The following SPECC1 variants were observed in gnomAD, a reference collection of about 807,000 sequenced individuals.
The protein encoded by SPECC1 is cytospin-B.
A neutral mutation model predicts 104.1 loss-of-function variants in SPECC1; 62 were observed. That is an observed-to-expected ratio of 0.60 (90% confidence interval 0.49 to 0.74). SPECC1 has a LOEUF of 0.74. Among genes scored for constraint, SPECC1 ranks in the 30% least tolerant of loss-of-function variants. SPECC1 has a pLI of 0.00. For synonymous variants in SPECC1, 513 were observed against 501.6 expected (o/e 1.02, Z -0.30); for missense variants, 1,306 against 1,310.5 (o/e 1.00, Z 0.05).
At chr17:20,220,330 G>C (rs2037794595) in intron 4 of SPECC1, among the ~76,000 whole-genome samples, 1 of 152,048 alleles carries the variant, frequency 6.6e-6, no homozygotes, top group African/African-American at 2.4e-5. Context: ...TTTTGTGTGT[G>C]TGTTTTCTTC....
At chr17:20,019,269 A>T (rs1045223196) in intron 1 of SPECC1, among the ~76,000 whole-genome samples, 6 of 150,370 alleles carry the variant, frequency 4.0e-5, no homozygotes, top group Non-Finnish European at 5.9e-5. Flanking sequence ...TATTTATTTT[A>T]AAAAGCAGTC....
At position 20,287,756 on chromosome 17, in the gene SPECC1, T is replaced by G. The variant is rs554999874; in HGVS notation, c.2941-9205T>G. Reference sequence around the variant, plus strand: ...GGCCTAAGTACACATAGCTTTTTTTTTTTGTTTTATTTCTGAGAAATTTAA... The same window carrying G: ...GGCCTAAGTACACATAGCTTTTTTTGTTTGTTTTATTTCTGAGAAATTTAA... On this transcript the variant is annotated intron_variant, in intron 12 of 14. Coordinates refer to ENST00000395527, the MANE Select transcript of SPECC1 (RefSeq NM_001243439.2). Among the ~76,000 whole-genome samples the G allele has an allele frequency of 2.5e-3, 377 of 152,054 alleles. 2 individuals carry two copies. Among genetic ancestry groups the G allele is most frequent in the African/African-American group, 7.3e-3 (303 of 41,428 alleles).
chr17:20,223,394 G>A (rs984856618), intron 4 of SPECC1, among the ~76,000 whole-genome samples: 15 of 151,768 alleles, frequency 9.9e-5, no homozygotes, highest in African/African-American at 3.6e-4. Context: ...TTTCAATCTC[G>A]GCCGGGTGCG....
intron 1 of SPECC1, among the ~76,000 whole-genome samples, chr17:20,015,982 C>T (rs1346446513): frequency 6.7e-6 from 1 of 149,668 alleles, no homozygotes; most frequent in African/African-American, 2.4e-5. Context: ...GAGGCCGAGG[C>T]GGATGGATCA....
intron 1 of SPECC1, among the ~76,000 whole-genome samples, chr17:20,047,840 C>G (rs183542865): frequency 6.6e-6 from 1 of 151,884 alleles, no homozygotes; most frequent in Non-Finnish European, 1.5e-5. Context: ...CCTGTGGTCC[C>G]CCCGCCTCAG....
chr17:20,012,923 C>A (rs1181351506), intron 1 of SPECC1, among the ~76,000 whole-genome samples: 2 of 152,120 alleles, frequency 1.3e-5, no homozygotes, highest in Admixed American at 6.5e-5. Flanking sequence ...AGGTACCTTG[C>A]ATGAGTATCT....
At chr17:20,038,950 A>C (rs1383279294) in intron 1 of SPECC1, among the ~76,000 whole-genome samples, 1 of 152,204 alleles carries the variant, frequency 6.6e-6, no homozygotes, top group Non-Finnish European at 1.5e-5. Context: ...CGTTAGATAT[A>C]ATCCACATAC....
At chr17:20,165,976 T>G (rs142731080) in intron 3 of SPECC1, among the ~76,000 whole-genome samples, 3 of 152,318 alleles carry the variant, frequency 2.0e-5, no homozygotes, top group Admixed American at 2.0e-4. Flanking sequence ...AAAAATGTTC[T>G]CCCATTCTGT....
chr17:20,153,904 G>A (rs771261572), intron 3 of SPECC1, among the ~76,000 whole-genome samples: 2 of 152,186 alleles, frequency 1.3e-5, no homozygotes, highest in Non-Finnish European at 2.9e-5. Flanking sequence ...TGCACTTGGT[G>A]TCATATGCAT....
chr17:20,042,008 G>T (rs778405049), intron 1 of SPECC1, among the ~76,000 whole-genome samples: 17 of 152,100 alleles, frequency 1.1e-4, no homozygotes, highest in Non-Finnish European at 1.9e-4. Context: ...TCTGTCAATT[G>T]TCTTTTCTCT....
At chr17:20,137,131 T>TTTGGCC (rs2030093962) in intron 3 of SPECC1, among the ~76,000 whole-genome samples, 2 of 152,258 alleles carry the variant, frequency 1.3e-5, no homozygotes. Flanking sequence ...CCCACTCCTG[T>TTTGGCC]TTGGCCATGG....
At position 20,121,196 on chromosome 17, in the gene SPECC1, T is replaced by A. The variant is rs1408537168; in HGVS notation, c.283+10634T>A. On this transcript the variant is annotated intron_variant, in intron 3 of 14. Transcript: ENST00000395527. ...ACAATAGCCATAGGAAGAGCATGGTTATTTTATCTAGACCAGGAACCTTGG... is the reference window on the plus strand; with the variant it reads ...ACAATAGCCATAGGAAGAGCATGGTAATTTTATCTAGACCAGGAACCTTGG... Among the ~76,000 whole-genome samples, 4 of 152,192 alleles carry A rather than the reference T, an allele frequency of 2.6e-5. No homozygotes were observed. In the East Asian group the frequency reaches 7.7e-4, roughly 29 times the overall value.
chr17:20,272,833 G>A (rs550041881), intron 12 of SPECC1, among the ~76,000 whole-genome samples: 32 of 152,268 alleles, frequency 2.1e-4, no homozygotes, highest in Non-Finnish European at 4.6e-4. Flanking sequence ...TTGTTTCACA[G>A]ATACAATGTT....
intron 1 of SPECC1, among the ~76,000 whole-genome samples, chr17:20,031,650 A>C (rs56142708): frequency 0.41 from 61,802 of 152,082 alleles, 13,795 homozygotes; most frequent in Non-Finnish European, 0.5. Flanking sequence ...CCCATTCAAC[A>C]ATAACTCCAC....
chr17:20,115,021 T>A (rs773859285), intron 3 of SPECC1, among the ~76,000 whole-genome samples: 21 of 152,194 alleles, frequency 1.4e-4, no homozygotes, highest in Non-Finnish European at 1.6e-4. Flanking sequence ...TAAAGGTACC[T>A]CTGTAGAAAT....
At chr17:20,199,080 CTTTTTTTTTTT>C (rs562975649) in intron 3 of SPECC1, among the ~76,000 whole-genome samples, 3 of 76,572 alleles carry the variant, frequency 3.9e-5, no homozygotes, top group East Asian at 5.6e-4. Context: ...CTTATGGTAG[CTTTTTTTTTTT>C]TTTTTTTTTT....
At chr17:20,152,156 C>A (rs2032063779) in intron 3 of SPECC1, among the ~76,000 whole-genome samples, 1 of 151,120 alleles carries the variant, frequency 6.6e-6, no homozygotes, top group Non-Finnish European at 1.5e-5. Context: ...AAAAATTAGC[C>A]AGGCATGGTA....
chr17:20,157,974 G>A (rs184576981), intron 3 of SPECC1, among the ~76,000 whole-genome samples: 31 of 152,160 alleles, frequency 2.0e-4, no homozygotes, highest in Admixed American at 1.6e-3. Context: ...AGAAATTCGT[G>A]GTAAAAACTT....
intron 7 of SPECC1, among the ~76,000 whole-genome samples, chr17:20,233,467 G>A (rs760096881): frequency 2.4e-4 from 36 of 152,202 alleles, no homozygotes; most frequent in Non-Finnish European, 4.9e-4. Flanking sequence ...GGCCTTTGGG[G>A]AAGGATGAAG....
Sources: allele counts gnomAD v4.1 joint callset (sites outside exome capture counted in the v4.1 genomes callset), GRCh38; gene constraint gnomAD v4.1.1; transcripts MANE v1.5; gene names NCBI Gene and HGNC (gene_info 2026-07-23, HGNC 2026-07-21).